Variants in DPF3 observed in about 807,000 individuals in gnomAD.
DPF3 encodes the protein zinc finger protein DPF3.
DPF3 carries 18 observed loss-of-function variants against 56.8 expected under a neutral mutation model. The observed-to-expected ratio is 0.32, with a 90% CI of 0.22 to 0.47. DPF3 has a LOEUF of 0.47. DPF3 is among the 20% of genes least tolerant of loss of function. The pLI, the probability that DPF3 is intolerant of heterozygous loss-of-function variation, is 1.00. For missense variants in DPF3, 403 were observed against 488.8 expected (o/e 0.82, Z 1.65); for synonymous variants, 188 against 180.2 (o/e 1.04, Z -0.35).
At chr14:72,741,017 G>A (rs575042287) in intron 3 of DPF3, among the ~76,000 whole-genome samples, 16 of 152,130 alleles carry the variant, frequency 1.1e-4, no homozygotes, top group Admixed American at 6.5e-4. Flanking sequence ...ATAGCCTAAG[G>A]AACACAGCAA....
At chr14:72,714,568 T>C (rs1888822641) in intron 5 of DPF3, 67 bp from the exon 6 acceptor site, 2 of 1,565,578 alleles carry the variant, frequency 1.3e-6, no homozygotes, top group East Asian at 4.5e-5. Flanking sequence ...GAGCATGCGC[T>C]CTGCGAGCTC....
intron 2 of DPF3, among the ~76,000 whole-genome samples, chr14:72,764,973 G>A (rs1316438107): frequency 6.6e-6 from 1 of 152,228 alleles, no homozygotes; most frequent in Non-Finnish European, 1.5e-5. Context: ...AGTAGATAGT[G>A]TCAAAGTTGA....
chr14:72,609,650 G>A lies in DPF3; in HGVS notation c.*9647C>T, dbSNP rs1652709555. Among the ~76,000 whole-genome samples the A allele has an allele frequency of 1.3e-5, 2 of 152,296 alleles. No individual in the cohort carries two copies. Among genetic ancestry groups the A allele is most frequent in the South Asian group, 2.1e-4 (1 of 4,824 alleles). On this transcript the variant is annotated 3_prime_UTR_variant, in exon 11 of 11. Coordinates refer to ENST00000556509, the MANE Select transcript of DPF3 (RefSeq NM_001280542.3). ...ACATCCCCAGAGGACAGAGGACAAGGGTGGCACACACACCTACAGAGACCG... is the reference window on the plus strand; with the variant it reads ...ACATCCCCAGAGGACAGAGGACAAGAGTGGCACACACACCTACAGAGACCG...
rs1202231654 is a variant in DPF3, at chr14:72,798,260, A to G, written c.33-26367T>C. ...ACAGAGCTAGCCTTCATCTCAAAAA[A>G]AAAAAAAAAAAAAAAAAAAAAAAGA... On this transcript the variant is annotated intron_variant, in intron 1 of 10. Transcript: ENST00000556509. Among the ~76,000 whole-genome samples, 6 of 99,966 alleles carry G rather than the reference A, an allele frequency of 6.0e-5. No individual in the cohort carries two copies. In the South Asian group the frequency reaches 8.1e-4, roughly 13 times the overall value. The allele number at this position is 99,966 out of a possible 152,430, so 65.6% of individuals were successfully genotyped here.
chr14:72,782,716 C>G (rs572933875), intron 1 of DPF3, among the ~76,000 whole-genome samples: 1 of 152,172 alleles, frequency 6.6e-6, no homozygotes, highest in African/African-American at 2.4e-5. Flanking sequence ...ACCTGCAGTC[C>G]CAGCTACATG....
intron 1 of DPF3, chr14:72,892,038 A>G (rs1886772019): frequency 1.4e-6 from 2 of 1,402,676 alleles, no homozygotes; most frequent in South Asian, 1.5e-5. Flanking sequence ...CTGTGATCCA[A>G]AAAACCCTGG....
In DPF3 at chr14:72,668,132, G is replaced by T. The variant is rs2997643; in HGVS notation, c.871+6108C>A. ...TGCTATCTAGAAAAAGGGAGATAAA[G>T]ATATCACATCCACCACTAAAGTGGT... On this transcript the variant is annotated intron_variant, in intron 8 of 10. Transcript: ENST00000556509. 2.0e-5 allele frequency among the ~76,000 whole-genome samples: 3 copies of T among 152,250 alleles called. No individual in the cohort carries two copies. The South Asian group carries it at 6.2e-4, about 32-fold the overall frequency.
chr14:72,893,586 C>A (rs1310314224), intron 1 of DPF3, among the ~76,000 whole-genome samples: 2 of 151,984 alleles, frequency 1.3e-5, no homozygotes. Flanking sequence ...CCCAGCGGAC[C>A]CAGCGGCGGG....
intron 5 of DPF3, among the ~76,000 whole-genome samples, chr14:72,715,946 G>A (rs533198885): frequency 6.9e-5 from 10 of 145,902 alleles, no homozygotes; most frequent in South Asian, 2.3e-4. Flanking sequence ...CAGTCACCCC[G>A]GGCACTGACA....
At chr14:72,846,344 T>G (rs1884756996) in intron 1 of DPF3, among the ~76,000 whole-genome samples, 1 of 140,932 alleles carries the variant, frequency 7.1e-6, no homozygotes, top group Non-Finnish European at 1.5e-5. Flanking sequence ...TTTTTTTTTT[T>G]TTTTTTTTTG....
intron 8 of DPF3, among the ~76,000 whole-genome samples, chr14:72,668,702 G>A (rs1011141521): frequency 2.0e-5 from 3 of 152,038 alleles, no homozygotes; most frequent in African/African-American, 7.2e-5. Context: ...CACCTCAAGT[G>A]TAAAGGCAAA....
Position 72,652,118 on chromosome 14 carries a change from G to A in DPF3, c.871+22122C>T, listed in dbSNP as rs139671621. Among the ~76,000 whole-genome samples the A allele has an allele frequency of 4.9e-3, 752 of 152,312 alleles. 5 individuals carry two copies. Among genetic ancestry groups the A allele is most frequent in the African/African-American group, 0.017 (705 of 41,576 alleles). ...AGGATTGTCACATAAGGGAAAATGA[G>A]GCTAGAGAACCTGGGGTAACGTGGA... is the stretch of plus-strand genomic sequence containing the variant. On this transcript the variant is annotated intron_variant, in intron 8 of 10. Coordinates refer to ENST00000556509, the MANE Select transcript of DPF3 (RefSeq NM_001280542.3).
chr14:72,699,517 CAAA>C (rs35540991), intron 6 of DPF3, among the ~76,000 whole-genome samples: 1,032 of 61,574 alleles, frequency 0.017, 11 homozygotes, highest in African/African-American at 0.057. Flanking sequence ...GATTCTGTCT[CAAA>C]AAAAAAAAAA....
chr14:72,624,898 C>T (rs772687970), intron 9 of DPF3, among the ~76,000 whole-genome samples: 5 of 152,114 alleles, frequency 3.3e-5, no homozygotes, highest in African/African-American at 4.8e-5. Flanking sequence ...CCCTTCTTGG[C>T]GCATCATATC....
chr14:72,825,985 G>A (rs566335399), intron 1 of DPF3, among the ~76,000 whole-genome samples: 3 of 151,956 alleles, frequency 2.0e-5, no homozygotes, highest in African/African-American at 7.2e-5. Flanking sequence ...TGCCATGGAG[G>A]AAAAATACAG....
chr14:72,832,956 A>G (rs1026038513), intron 1 of DPF3, among the ~76,000 whole-genome samples: 1 of 152,216 alleles, frequency 6.6e-6, no homozygotes, highest in Non-Finnish European at 1.5e-5. Context: ...AACCATGAGC[A>G]GGGGAATATG....
chr14:72,753,757 T>C (rs1436602366), intron 2 of DPF3, among the ~76,000 whole-genome samples: 1 of 152,064 alleles, frequency 6.6e-6, no homozygotes, highest in African/African-American at 2.4e-5. Context: ...CAGGTTCCCT[T>C]CAAAACGGAG....
intron 9 of DPF3, among the ~76,000 whole-genome samples, chr14:72,626,529 C>T (rs1388130890): frequency 6.6e-6 from 1 of 152,096 alleles, no homozygotes; most frequent in Admixed American, 6.5e-5. Flanking sequence ...TTTTTTACAG[C>T]TGTATAGTAC....
intron 3 of DPF3, among the ~76,000 whole-genome samples, chr14:72,737,674 A>G (rs1889948375): frequency 6.6e-6 from 1 of 152,206 alleles, no homozygotes; most frequent in East Asian, 1.9e-4. Context: ...TTAGCTGTCG[A>G]GTTTGCAAGA....
Sources: allele counts gnomAD v4.1 joint callset (sites outside exome capture counted in the v4.1 genomes callset), GRCh38; gene constraint gnomAD v4.1.1; transcripts MANE v1.5; gene names NCBI Gene and HGNC (gene_info 2026-07-23, HGNC 2026-07-21).